PCSK6: variants seen among roughly 807,000 people sequenced by gnomAD.
PCSK6 encodes proprotein convertase subtilisin/kexin type 6.
In PCSK6, 85 loss-of-function variants were observed where a neutral mutation model predicts 123.3. The observed-to-expected ratio is 0.69, with a 90% CI of 0.58 to 0.83. The LOEUF (loss-of-function observed/expected upper bound fraction) is 0.83, where lower values mean the gene tolerates loss of function less well. Ranked by LOEUF, PCSK6 falls within the 40% of genes least tolerant of loss-of-function variation. PCSK6 has a pLI of 0.00. For missense variants in PCSK6, 1,191 were observed against 1,282.3 expected, an observed-to-expected ratio of 0.93 and a Z score of 1.09; for synonymous variants, 508 against 516.0, an observed-to-expected ratio of 0.98 and a Z score of 0.21.
chr15:101,365,189 A>G lies in PCSK6; in HGVS notation c.1858+1007T>C, dbSNP rs2041351581. 3 of 466,244 alleles carry G rather than the reference A, an allele frequency of 6.4e-6. No homozygotes were observed. The South Asian group carries it at 1.6e-4, about 25-fold the overall frequency. 28.9% of individuals were successfully genotyped at this position (466,244 alleles called of 1,614,324 possible). ...TACATGTAAGAGCTATAACACTCTT[A>G]AAAGGAAACACAGGAGTAAATCTCT... On this transcript the variant is annotated intron_variant, in intron 13 of 21. Coordinates refer to ENST00000611716, the MANE Select transcript of PCSK6 (RefSeq NM_002570.5).
intron 13 of PCSK6, among the ~76,000 whole-genome samples, chr15:101,344,214 A>G (rs1389483188): frequency 2.0e-5 from 3 of 152,192 alleles, no homozygotes; most frequent in Non-Finnish European, 2.9e-5. Context: ...TGTTTTATCT[A>G]TCAAATATAT....
intron 13 of PCSK6, among the ~76,000 whole-genome samples, chr15:101,335,997 T>G (rs966934254): frequency 2.0e-5 from 3 of 152,210 alleles, no homozygotes; most frequent in Non-Finnish European, 4.4e-5. Context: ...AAGGGTACAG[T>G]CAAAATACGA....
chr15:101,313,305 C>T (rs1058293), intron 20 of PCSK6, 71 bp downstream of exon 20: 2 of 1,610,882 alleles, frequency 1.2e-6, no homozygotes, highest in African/African-American at 2.7e-5. Context: ...GAAGATGCTG[C>T]CAGACTCTGC....
chr15:101,324,975 T>C lies in PCSK6; in HGVS notation c.2252A>G (p.Lys751Arg). The part of the protein sequence containing the change: ...TAARRCRRCH[K>R]GCETCSSRAA... ...TCTGCTGGAGCAGGTCTCACACCCC[T>C]TGTGGCACCGGCGACAGCGTCTTGC... The change falls in exon 17 of 22, where the codon AAG becomes AGG. Residue 751 changes from lysine (K) to arginine (R), a missense_variant. Transcript: ENST00000611716. 6.2e-7 allele frequency: 1 copy of C among 1,613,166 alleles called. No individual in the cohort carries two copies. Among genetic ancestry groups the C allele is most frequent in the Non-Finnish European group, 8.5e-7 (1 of 1,179,868 alleles).
intron 8 of PCSK6, among the ~76,000 whole-genome samples, chr15:101,391,067 G>C (rs2042221323): frequency 6.6e-6 from 1 of 152,180 alleles, no homozygotes; most frequent in South Asian, 2.1e-4. Context: ...TCTGGTCTGT[G>C]TCACACACAG....
At chr15:101,478,609 C>T (rs368061223) in intron 1 of PCSK6, among the ~76,000 whole-genome samples, 2 of 152,140 alleles carry the variant, frequency 1.3e-5, no homozygotes, top group Admixed American at 6.5e-5. Flanking sequence ...TCGTTCTGAG[C>T]TTCAGAGAAC....
At chr15:101,413,955 A>G (rs1001213654) in intron 6 of PCSK6, among the ~76,000 whole-genome samples, 7 of 152,232 alleles carry the variant, frequency 4.6e-5, no homozygotes, top group African/African-American at 7.2e-5. Context: ...CTCAATTCAA[A>G]TATAACAATA....
At chr15:101,383,367 G>GCCATTGCA (rs1205297544) in intron 10 of PCSK6, among the ~76,000 whole-genome samples, 2 of 139,166 alleles carry the variant, frequency 1.4e-5, no homozygotes, top group Non-Finnish European at 3.0e-5. Context: ...CCGAGATCGT[G>GCCATTGCA]CCATTGCACT....
In PCSK6 at chr15:101,318,278, G is replaced by C. The variant is rs567471039; in HGVS notation, c.2569+41C>G. The C allele has an allele frequency of 3.5e-5, 49 of 1,419,944 alleles. No homozygotes were observed. The African/African-American group carries it at 6.5e-4, about 19-fold the overall frequency. 88.0% of individuals were successfully genotyped at this position (1,419,944 alleles called of 1,614,324 possible). On this transcript the variant is annotated intron_variant, in intron 19 of 21. Transcript: ENST00000611716. ...GGTTCAAGGCAGCTAGCCTACGCTT[G>C]GGTGACGCTGGCCCGAGGCCTCCGC...
chr15:101,369,734 G>A (rs2041517685), intron 12 of PCSK6, among the ~76,000 whole-genome samples: 2 of 138,048 alleles, frequency 1.4e-5, no homozygotes, highest in Non-Finnish European at 3.1e-5. Context: ...TTAAAGAAAT[G>A]ACTCCATAGC....
At chr15:101,432,725 C>T (rs2056487461) in intron 2 of PCSK6, among the ~76,000 whole-genome samples, 1 of 151,858 alleles carries the variant, frequency 6.6e-6, no homozygotes, top group South Asian at 2.1e-4. Context: ...GTGAAATTGC[C>T]GATAAATTAT....
At chr15:101,465,882 T>C (rs573006567) in intron 1 of PCSK6, among the ~76,000 whole-genome samples, 3 of 152,120 alleles carry the variant, frequency 2.0e-5, no homozygotes, top group Admixed American at 1.3e-4. Context: ...AAAGGCTCAA[T>C]GAAAACCAGA....
At chr15:101,323,670 G>T (rs376098145) in intron 17 of PCSK6, among the ~76,000 whole-genome samples, 81 of 151,004 alleles carry the variant, frequency 5.4e-4, no homozygotes, top group African/African-American at 1.7e-3. Context: ...GGGGCAGAGG[G>T]TGCAGTGAGC....
chr15:101,322,036 T>C (rs917476359), intron 18 of PCSK6, among the ~76,000 whole-genome samples: 8 of 152,192 alleles, frequency 5.3e-5, no homozygotes, highest in Admixed American at 4.6e-4. Context: ...AGAAAATGCA[T>C]GCTGAGCTTT....
intron 1 of PCSK6, among the ~76,000 whole-genome samples, chr15:101,455,469 G>A (rs1056217861): frequency 2.6e-5 from 4 of 152,220 alleles, no homozygotes; most frequent in Non-Finnish European, 4.4e-5. Context: ...TCACCTGACC[G>A]GGACTGACAG....
At chr15:101,314,291 G>C (rs867385976) in intron 19 of PCSK6, among the ~76,000 whole-genome samples, 12 of 152,212 alleles carry the variant, frequency 7.9e-5, no homozygotes, top group Non-Finnish European at 4.4e-5. Flanking sequence ...TGGGTCAGAT[G>C]TTGGACTAGT....
At chr15:101,488,899 G>A (rs1335715169) in intron 1 of PCSK6, among the ~76,000 whole-genome samples, 1 of 150,472 alleles carries the variant, frequency 6.6e-6, no homozygotes, top group African/African-American at 2.4e-5. Flanking sequence ...GCCTTGGCGC[G>A]CGCACCGGGT....
chr15:101,364,743 T>A (rs2041338412), intron 13 of PCSK6: 1 of 438,634 alleles, frequency 2.3e-6, no homozygotes, highest in Admixed American at 3.7e-5. Context: ...CCCAAAATGA[T>A]CTACATATCC....
rs546644245 is a variant in PCSK6 at position 101,465,687 on chromosome 15, G to A, written c.298-22027C>T. On this transcript the variant is annotated intron_variant, in intron 1 of 21. Transcript: ENST00000611716. ...CAATGGTGTCCTAAGAGATGGGGCC[G>A]TGAGGGGGACATTGGTAATGATCTA... 7.3e-4 allele frequency among the ~76,000 whole-genome samples: 37 copies of A among 50,810 alleles called. 2 individuals are homozygous for A. The South Asian group carries it at 0.011, about 15-fold the overall frequency. 33.3% of individuals were successfully genotyped at this position (50,810 alleles called of 152,430 possible).
Sources: gnomAD v4.1 joint callset for allele counts (sites outside exome capture counted in the v4.1 genomes callset) on GRCh38, gnomAD v4.1.1 for gene constraint, MANE v1.5 for transcripts, NCBI Gene and HGNC (gene_info 2026-07-23, HGNC 2026-07-21) for gene names.